SMYD3: variants seen among roughly 807,000 people sequenced by gnomAD.
SMYD3 encodes SET and MYND domain containing 3, also known as histone-lysine N-methyltransferase SMYD3.
In SMYD3, 36 loss-of-function variants were observed where a neutral mutation model predicts 57.7. That is an observed-to-expected ratio of 0.62 (90% confidence interval 0.48 to 0.82). SMYD3 has a LOEUF of 0.82. Ranked by LOEUF, SMYD3 falls within the 40% of genes least tolerant of loss-of-function variation. The pLI is 0.00. For missense variants in SMYD3, 515 were observed against 538.8 expected (o/e 0.96, Z 0.44); for synonymous variants, 211 against 195.0 (o/e 1.08, Z -0.68).
intron 5 of SMYD3, among the ~76,000 whole-genome samples, chr1:245,970,338 G>A (rs1169254442): frequency 2.0e-5 from 3 of 152,112 alleles, no homozygotes; most frequent in Non-Finnish European, 4.4e-5. Context: ...TTCAATGTTA[G>A]GCCTAAAACC....
rs539578681 is a variant in SMYD3, at chr1:245,955,035, C to G, written c.532-25098G>C. Among the ~76,000 whole-genome samples, 12 of 152,312 alleles carry G rather than the reference C, an allele frequency of 7.9e-5. No individual in the cohort carries two copies. The South Asian group carries it at 2.5e-3, about 32-fold the overall frequency. On this transcript the variant is annotated intron_variant, in intron 5 of 11. Coordinates refer to ENST00000490107, the MANE Select transcript of SMYD3 (RefSeq NM_001167740.2). ...ATCCTGTGTTTCCCTGCACCCAACACGTATTTCAGTTATCCTGGCTTCTCT... is the reference window on the plus strand; with the variant it reads ...ATCCTGTGTTTCCCTGCACCCAACAGGTATTTCAGTTATCCTGGCTTCTCT...
rs77203729 is a variant in SMYD3, at chr1:245,812,105, G to C, written c.1076+46391C>G. On this transcript the variant is annotated intron_variant, in intron 10 of 11. Coordinates refer to ENST00000490107, the MANE Select transcript of SMYD3 (RefSeq NM_001167740.2). The stretch of plus-strand genomic sequence containing the variant: ...GTGGCTTGAGATTGGCATGATCTCC[G>C]GGATACGAGTCTGCAGGCCACATCA... Among the ~76,000 whole-genome samples, 838 of 152,246 alleles carry C rather than the reference G, an allele frequency of 5.5e-3. 15 individuals are homozygous for C. The highest frequency in any genetic ancestry group is 0.019 in the African/African-American group (800 of 41,556).
intron 5 of SMYD3, among the ~76,000 whole-genome samples, chr1:246,246,232 T>C (rs1314045597): frequency 6.6e-6 from 1 of 152,210 alleles, no homozygotes; most frequent in Non-Finnish European, 1.5e-5. Context: ...AACGTTCTTC[T>C]CTTCCCCTTT....
At chr1:246,267,123 CTAAT>C (rs2064124846) in intron 5 of SMYD3, among the ~76,000 whole-genome samples, 1 of 151,848 alleles carries the variant, frequency 6.6e-6, no homozygotes, top group African/African-American at 2.4e-5. Context: ...ATTTGCTTGC[CTAAT>C]TAAAGATGGA....
At chr1:246,444,910 G>A (rs1415701223) in intron 1 of SMYD3, among the ~76,000 whole-genome samples, 1 of 152,200 alleles carries the variant, frequency 6.6e-6, no homozygotes. Flanking sequence ...TAGGGGTGCA[G>A]AGCTTGGATT....
At chr1:246,266,113 A>G (rs542551581) in intron 5 of SMYD3, among the ~76,000 whole-genome samples, 2 of 152,332 alleles carry the variant, frequency 1.3e-5, no homozygotes, top group African/African-American at 4.8e-5. Flanking sequence ...AGGGAACCCC[A>G]CAAATCCCCT....
At chr1:245,988,298 A>G (rs1324155708) in intron 5 of SMYD3, 1 of 152,214 alleles carries the variant, frequency 6.6e-6, no homozygotes, top group Non-Finnish European at 1.5e-5. Context: ...TGCCATTTCC[A>G]GTTCTGATTC....
chr1:245,915,774 C>A, intron 7 of SMYD3, 134 bp from the exon 8 acceptor site: 1 of 550,998 alleles, frequency 1.8e-6, no homozygotes, highest in Non-Finnish European at 3.2e-6. Flanking sequence ...AGAGAAGGTA[C>A]TGCTTATAGT....
intron 8 of SMYD3, 150 bp from the exon 9 acceptor site, chr1:245,864,036 C>T (rs1301835153): frequency 7.5e-6 from 5 of 668,126 alleles, no homozygotes; most frequent in Non-Finnish European, 1.3e-5. Context: ...TAAAGCAAAA[C>T]CACAGTGAGA....
intron 5 of SMYD3, among the ~76,000 whole-genome samples, chr1:246,137,490 T>C (rs541353991): frequency 3.3e-5 from 5 of 152,338 alleles, no homozygotes; most frequent in South Asian, 4.1e-4. Context: ...ATTTTTACTC[T>C]CACACGGTGA....
intron 10 of SMYD3, among the ~76,000 whole-genome samples, chr1:245,785,571 G>C (rs1402630371): frequency 6.6e-6 from 1 of 152,046 alleles, no homozygotes; most frequent in Non-Finnish European, 1.5e-5. Flanking sequence ...GGATCCCTTT[G>C]CCCAACCCCT....
chr1:246,318,002 AT>A (rs1299190204), intron 5 of SMYD3, among the ~76,000 whole-genome samples: 1 of 152,184 alleles, frequency 6.6e-6, no homozygotes, highest in Non-Finnish European at 1.5e-5. Context: ...CTATCAAGTA[AT>A]TACTAGATTT....
At chr1:245,846,180 A>AG (rs2050655372) in intron 10 of SMYD3, among the ~76,000 whole-genome samples, 3 of 152,226 alleles carry the variant, frequency 2.0e-5, no homozygotes, top group Admixed American at 6.5e-5. Context: ...GCATCCAGGA[A>AG]GGGAAGGAAG....
intron 5 of SMYD3, among the ~76,000 whole-genome samples, chr1:246,142,972 C>A (rs2061782214): frequency 6.6e-6 from 1 of 152,150 alleles, no homozygotes; most frequent in African/African-American, 2.4e-5. Flanking sequence ...GGCTGTGCAA[C>A]CAGCCTCTCT....
chr1:245,751,324 C>T (rs998155122), intron 11 of SMYD3, among the ~76,000 whole-genome samples: 12 of 152,158 alleles, frequency 7.9e-5, no homozygotes, highest in East Asian at 3.9e-4. Context: ...TGTGGTGAGA[C>T]GCCTGCATTT....
chr1:246,070,138 C>T (rs965623767), intron 5 of SMYD3, among the ~76,000 whole-genome samples: 3 of 152,088 alleles, frequency 2.0e-5, no homozygotes, highest in African/African-American at 7.2e-5. Context: ...AAGAGACACA[C>T]CGAAAACTAG....
chr1:245,787,824 C>T (rs996575961), intron 10 of SMYD3, among the ~76,000 whole-genome samples: 6 of 152,176 alleles, frequency 3.9e-5, no homozygotes, highest in Non-Finnish European at 8.8e-5. Context: ...ACAAGCGACT[C>T]CCAGATTCCT....
At position 246,255,971 on chromosome 1, in the gene SMYD3, T is replaced by TAGAC. The variant is rs1330909110; in HGVS notation, c.531+71229_531+71230insGTCT. Among the ~76,000 whole-genome samples, 956 of 139,270 alleles carry TAGAC rather than the reference T, an allele frequency of 6.9e-3. 28 individuals are homozygous for TAGAC. The East Asian group carries it at 0.088, about 13-fold the overall frequency. The allele number at this position is 139,270 out of a possible 152,430, so 91.4% of individuals were successfully genotyped here. A position where few individuals can be genotyped will look rare whatever the true frequency, so the allele number is the denominator to read the frequency against. ...ATAGATAGATAGATAGATAGATAGA[T>TAGAC]AGATAGATAGATAGATACACACACA... is the stretch of plus-strand genomic sequence containing the variant. On this transcript the variant is annotated intron_variant, in intron 5 of 11. Coordinates refer to ENST00000490107, the MANE Select transcript of SMYD3 (RefSeq NM_001167740.2).
At chr1:246,010,548 A>G (rs777468700) in intron 5 of SMYD3, among the ~76,000 whole-genome samples, 9 of 152,328 alleles carry the variant, frequency 5.9e-5, no homozygotes, top group Middle Eastern at 3.4e-3. Flanking sequence ...TTGCAGGAGA[A>G]ATCTGAGTGC....
Sources: allele counts gnomAD v4.1 joint callset (sites outside exome capture counted in the v4.1 genomes callset), GRCh38; gene constraint gnomAD v4.1.1; transcripts MANE v1.5; gene names NCBI Gene and HGNC (gene_info 2026-07-23, HGNC 2026-07-21).